The following NAALAD2 variants were observed in gnomAD, a reference collection of about 807,000 sequenced individuals.
NAALAD2 encodes N-acetylated-alpha-linked acidic dipeptidase 2.
In NAALAD2, 89 loss-of-function variants were observed where a neutral mutation model predicts 95.6. That is an observed-to-expected ratio of 0.93 (90% confidence interval 0.78 to 1.11). The LOEUF is 1.11. NAALAD2 is among the 50% of genes least tolerant of loss of function. NAALAD2 has a pLI of 0.00. For synonymous variants in NAALAD2, 264 were observed against 294.4 expected (o/e 0.90, Z 1.06); for missense variants, 894 against 872.4 (o/e 1.02, Z -0.31).
At chr11:90,137,433 C>T (rs1286929940) in intron 2 of NAALAD2, among the ~76,000 whole-genome samples, 2 of 152,096 alleles carry the variant, frequency 1.3e-5, no homozygotes, top group Admixed American at 6.5e-5. Context: ...CTGATTTGAT[C>T]ATTACTTATT....
chr11:90,139,651 C>G (rs1951553328), intron 2 of NAALAD2, among the ~76,000 whole-genome samples: 1 of 152,030 alleles, frequency 6.6e-6, no homozygotes, highest in African/African-American at 2.4e-5. Flanking sequence ...CCACCTTTAC[C>G]TTCCTTTTGC....
intron 11 of NAALAD2, among the ~76,000 whole-genome samples, chr11:90,166,651 T>A (rs542846440): frequency 3.2e-4 from 48 of 151,892 alleles, no homozygotes; most frequent in Non-Finnish European, 5.4e-4. Flanking sequence ...CTGGCTAACA[T>A]GGTGAAACCC....
At chr11:90,142,946 T>A (rs1951657024) in intron 2 of NAALAD2, among the ~76,000 whole-genome samples, 1 of 152,092 alleles carries the variant, frequency 6.6e-6, no homozygotes, top group South Asian at 2.1e-4. Flanking sequence ...AATTTACTAC[T>A]GTGTCACTTA....
chr11:90,157,927 G>T (rs1318504507), intron 6 of NAALAD2, among the ~76,000 whole-genome samples: 2 of 152,222 alleles, frequency 1.3e-5, no homozygotes, highest in East Asian at 3.9e-4. Context: ...CACCATGTTG[G>T]CCAGGATGGT....
chr11:90,190,003 A>G (rs1341377379), intron 18 of NAALAD2, among the ~76,000 whole-genome samples: 1 of 152,188 alleles, frequency 6.6e-6, no homozygotes, highest in Non-Finnish European at 1.5e-5. Context: ...TGGGACTAGA[A>G]TAGCTATTTG....
chr11:90,171,168 A>G (rs7939712), intron 13 of NAALAD2, among the ~76,000 whole-genome samples: 30,300 of 152,140 alleles, frequency 0.2, 3,436 homozygotes, highest in African/African-American at 0.3. Flanking sequence ...TACTCATTTA[A>G]TATCTGTGAA....
At position 90,159,394 on chromosome 11, in the gene NAALAD2, G is replaced by A. The variant is rs911048076; in HGVS notation, c.989+57G>A. On this transcript the variant is annotated intron_variant, in intron 8 of 18. Coordinates refer to ENST00000534061, the MANE Select transcript of NAALAD2 (RefSeq NM_005467.4). ...AGTTTTATATTTTTAATGGAAACATGTCAAGATAACTGTTCTGCCAGGGGT... is the reference window on the plus strand; with the variant it reads ...AGTTTTATATTTTTAATGGAAACATATCAAGATAACTGTTCTGCCAGGGGT... 2.2e-5 allele frequency: 28 copies of A among 1,288,530 alleles called. No individual in the cohort carries two copies. The African/African-American group carries it at 3.9e-4, about 18-fold the overall frequency. 79.8% of individuals were successfully genotyped at this position (1,288,530 alleles called of 1,614,324 possible). A position where few individuals can be genotyped will look rare whatever the true frequency, so the allele number is the denominator to read the frequency against.
intron 6 of NAALAD2, among the ~76,000 whole-genome samples, chr11:90,153,342 T>C (rs1300109823): frequency 1.3e-5 from 2 of 152,180 alleles, no homozygotes; most frequent in Non-Finnish European, 2.9e-5. Flanking sequence ...GTTAGTTGGA[T>C]ATTTAACTTT....
rs545607250 is a variant in NAALAD2 at position 90,147,495 on chromosome 11, T to C, written c.360T>C (p.Ile120=). 8 of 1,608,702 alleles carry C rather than the reference T, an allele frequency of 5.0e-6. No homozygotes were observed. Among genetic ancestry groups the C allele is most frequent in the Admixed American group, 1.7e-5 (1 of 58,708 alleles). The change falls in exon 3 of 19, where the codon ATT becomes ATC. Residue 120 remains isoleucine (I), a synonymous_variant. Coordinates refer to ENST00000534061, the MANE Select transcript of NAALAD2 (RefSeq NM_005467.4). ...PNETNANYIS[I]VDEHETEIFK... ...AGACAAATGCCAACTATATATCGAT[T>C]GTGGATGAACATGAAACTGAGGTAT...
At chr11:90,143,821 C>A (rs1372303410) in intron 2 of NAALAD2, among the ~76,000 whole-genome samples, 1 of 152,120 alleles carries the variant, frequency 6.6e-6, no homozygotes, top group East Asian at 1.9e-4. Context: ...ATATGTTTGA[C>A]TTTCAATGCG....
At chr11:90,174,050 G>T (rs1306783530) in intron 14 of NAALAD2, 135 bp downstream of exon 14, 7 of 696,068 alleles carry the variant, frequency 1.0e-5, no homozygotes, top group Non-Finnish European at 1.7e-5. Flanking sequence ...AAGAATTCCT[G>T]GCCGAGCCCA....
In NAALAD2 at chr11:90,191,984, GAA is replaced by G. The variant is rs992550586; in HGVS notation, c.*240_*241del. ...AACTCCTGTGTGGCAGAAAGTAAAA[GAA>G]AATTCCCTAAATTATAGCAAGGAAC... is the stretch of plus-strand genomic sequence containing the variant. On this transcript the variant is annotated 3_prime_UTR_variant, in exon 19 of 19. Transcript: ENST00000534061. The G allele has an allele frequency of 6.7e-5, 18 of 268,246 alleles. No homozygotes were observed. Among genetic ancestry groups the G allele is most frequent in the Non-Finnish European group, 1.2e-4 (17 of 144,660 alleles). The allele number at this position is 268,246 out of a possible 1,614,324, so 16.6% of individuals were successfully genotyped here.
Position 90,191,701 on chromosome 11 carries a change from C to A in NAALAD2, c.2177C>A (p.Ala726Asp). 6.3e-7 allele frequency: 1 copy of A among 1,597,174 alleles called. No individual in the cohort carries two copies. Among genetic ancestry groups the A allele is most frequent in the Non-Finnish European group, 8.5e-7 (1 of 1,172,132 alleles). Residue 726 changes from alanine to aspartate, a missense_variant, in exon 19 of 19, where the codon GCT (alanine) becomes GAT (aspartate). Coordinates refer to ENST00000534061, the MANE Select transcript of NAALAD2 (RefSeq NM_005467.4). Reference sequence around the variant, plus strand: ...GTAAAGAAACATATTTCTATTGCAGCTTTTACAATTCAAGCAGCAGCAGGA... The same window carrying A: ...GTAAAGAAACATATTTCTATTGCAGATTTTACAATTCAAGCAGCAGCAGGA... ...KEVKKHISIA[A>D]FTIQAAAGTL...
chr11:90,138,147 C>T (rs753320813), intron 2 of NAALAD2, among the ~76,000 whole-genome samples: 1 of 151,938 alleles, frequency 6.6e-6, no homozygotes, highest in Non-Finnish European at 1.5e-5. Context: ...TGTATTCTTA[C>T]AATAAAGTAA....
chr11:90,181,729 A>T lies in NAALAD2; in HGVS notation c.1940+28A>T, dbSNP rs746862794. The T allele has an allele frequency of 3.7e-4, 185 of 498,922 alleles. No homozygotes were observed. The African/African-American group carries it at 9.3e-3, about 25-fold the overall frequency. The allele number at this position is 498,922 out of a possible 1,614,324, so 30.9% of individuals were successfully genotyped here. A position where few individuals can be genotyped will look rare whatever the true frequency, so the allele number is the denominator to read the frequency against. On this transcript the variant is annotated intron_variant, in intron 17 of 18. Coordinates refer to ENST00000534061, the MANE Select transcript of NAALAD2 (RefSeq NM_005467.4). The stretch of plus-strand genomic sequence containing the variant: ...AAGTTTCAAATCCCTTTTTTTTTAA[A>T]AAAAAAAAAAAAAGCAATCTGGTTA...
At chr11:90,166,728 G>C (rs1024641262) in intron 11 of NAALAD2, among the ~76,000 whole-genome samples, 1 of 151,852 alleles carries the variant, frequency 6.6e-6, no homozygotes, top group African/African-American at 2.4e-5. Flanking sequence ...CCAGCTACTC[G>C]GGAGGCTGAG....
intron 11 of NAALAD2, among the ~76,000 whole-genome samples, chr11:90,164,732 T>C (rs999560289): frequency 1.3e-5 from 2 of 152,196 alleles, no homozygotes; most frequent in Non-Finnish European, 2.9e-5. Context: ...CTCCCTTAAC[T>C]TCACCTGGTT....
chr11:90,190,465 C>CT (rs1346170479), intron 18 of NAALAD2, among the ~76,000 whole-genome samples: 11 of 152,166 alleles, frequency 7.2e-5, no homozygotes. Flanking sequence ...CCAAAGGTCA[C>CT]TGAGATATTA....
chr11:90,157,369 G>A (rs542001601), intron 6 of NAALAD2, among the ~76,000 whole-genome samples: 1 of 152,282 alleles, frequency 6.6e-6, no homozygotes, highest in South Asian at 2.1e-4. Flanking sequence ...CAGTTCCAAT[G>A]AGGTTTTAAG....
Sources: allele counts gnomAD v4.1 joint callset (sites outside exome capture counted in the v4.1 genomes callset), GRCh38; gene constraint gnomAD v4.1.1; transcripts MANE v1.5; gene names NCBI Gene and HGNC (gene_info 2026-07-23, HGNC 2026-07-21).